Variants in KAZN observed in about 807,000 individuals in gnomAD.
KAZN encodes the protein kazrin, periplakin interacting protein, also known as kazrin.
KAZN carries 40 observed loss-of-function variants against 87.4 expected under a neutral mutation model. The ratio of observed to expected loss-of-function variants is 0.46; its 90% CI spans 0.36 to 0.60. The LOEUF (loss-of-function observed/expected upper bound fraction) is 0.60. Among genes scored for constraint, KAZN ranks in the 20% least tolerant of loss-of-function variants. The probability of loss-of-function intolerance (pLI) is 0.00; values close to 1 mark genes in which losing one functional copy is unlikely to be tolerated. For missense variants in KAZN, 898 were observed against 1,073.9 expected (o/e 0.84, Z 2.29); for synonymous variants, 466 against 458.3 (o/e 1.02, Z -0.22).
At chr1:15,036,864 G>A (rs926269470) in intron 3 of KAZN, among the ~76,000 whole-genome samples, 2 of 152,132 alleles carry the variant, frequency 1.3e-5, no homozygotes, top group African/African-American at 4.8e-5. Context: ...ACATCCACAC[G>A]GACACTGTGG....
At chr1:14,598,600 C>A, upstream of KAZN, 1 of 1,008,130 alleles carries the variant, frequency 9.9e-7, no homozygotes, top group Non-Finnish European at 1.2e-6. This position sits in a 1 kb window ranked among gnomAD's most constrained non-coding sequence, Gnocchi z 4.2. Flanking sequence ...GCCAAGGGTG[C>A]CCCCAGCCTC....
At chr1:14,207,236 T>C (rs887030190) in intron 2 of KAZN, among the ~76,000 whole-genome samples, 27 of 152,300 alleles carry the variant, frequency 1.8e-4, no homozygotes, top group African/African-American at 6.3e-4. Context: ...AGTGCTAGGA[T>C]TACAAGTGTG....
intron 1 of KAZN, among the ~76,000 whole-genome samples, chr1:13,997,823 C>T (rs925584411): frequency 3.3e-5 from 5 of 152,108 alleles, no homozygotes; most frequent in African/African-American, 1.2e-4. Context: ...AGCACTTCCC[C>T]AACCCAGCAA....
chr1:14,274,712 G>A (rs770446242), intron 2 of KAZN, among the ~76,000 whole-genome samples: 2 of 152,168 alleles, frequency 1.3e-5, no homozygotes, highest in Non-Finnish European at 2.9e-5. Context: ...TAGCTGTGAC[G>A]TGGGGAGCAG....
chr1:14,527,451 A>G (rs1243620129), intron 2 of KAZN, among the ~76,000 whole-genome samples: 1 of 150,750 alleles, frequency 6.6e-6, no homozygotes, highest in Non-Finnish European at 1.5e-5. Context: ...TGGGAGTCTG[A>G]GGCAGGAGAA....
intron 1 of KAZN, among the ~76,000 whole-genome samples, chr1:14,693,300 T>G (rs1029512584): frequency 1.3e-4 from 20 of 152,156 alleles, no homozygotes; most frequent in African/African-American, 4.8e-4. Flanking sequence ...AACAGGATGC[T>G]AAGGGAGGGG....
chr1:14,608,001 A>G (rs1262335409), intron 1 of KAZN, among the ~76,000 whole-genome samples: 4 of 152,348 alleles, frequency 2.6e-5, no homozygotes, highest in African/African-American at 9.6e-5. Context: ...AGATGAAGAC[A>G]TTGAAGCTTA....
intron 1 of KAZN, among the ~76,000 whole-genome samples, chr1:14,622,485 T>C (rs1678773473): frequency 6.6e-6 from 1 of 152,022 alleles, no homozygotes; most frequent in Middle Eastern, 3.4e-3. Context: ...GGTCAGGAGA[T>C]CGACACCATC....
chr1:13,978,825 T>G (rs976202286), intron 1 of KAZN, among the ~76,000 whole-genome samples: 14 of 152,024 alleles, frequency 9.2e-5, no homozygotes, highest in Non-Finnish European at 2.1e-4. Flanking sequence ...AAATTTGAGC[T>G]GATGTGGTGG....
At position 14,998,242 on chromosome 1, in the gene KAZN, A is replaced by C. The variant is rs186944315; in HGVS notation, c.419-36507A>C. On this transcript the variant is annotated intron_variant, in intron 2 of 14. Coordinates refer to ENST00000376030, the MANE Select transcript of KAZN (RefSeq NM_201628.3). ...GGTTTTGTGGCTAAAAGATGCTCCA[A>C]AGATTAGCCTGTGTGAAGGTTTGGG... 3.3e-3 allele frequency among the ~76,000 whole-genome samples: 507 copies of C among 152,258 alleles called. 7 individuals are homozygous for C. Among genetic ancestry groups the C allele is most frequent in the African/African-American group, 0.012 (484 of 41,548 alleles).
chr1:14,695,651 G>A (rs1439011217), intron 1 of KAZN, among the ~76,000 whole-genome samples: 2 of 151,648 alleles, frequency 1.3e-5, no homozygotes, highest in African/African-American at 4.8e-5. Context: ...GATTACAGGT[G>A]TGCACCACCA....
chr1:14,224,531 A>G (rs1647196792), intron 2 of KAZN, among the ~76,000 whole-genome samples: 1 of 152,186 alleles, frequency 6.6e-6, no homozygotes, highest in South Asian at 2.1e-4. Context: ...GTTTTGCTTA[A>G]TCTCTTTGGG....
Position 14,903,800 on chromosome 1 carries a change from TG to T in KAZN, c.227-56883del, listed in dbSNP as rs544072049. On this transcript the variant is annotated intron_variant, in intron 1 of 14. Coordinates refer to ENST00000376030, the MANE Select transcript of KAZN (RefSeq NM_201628.3). ...ATTAATCTAACCTTAGTAGGTTACA[TG>T]TATTGAATGCTAACTCTGGCAGATG... is the stretch of plus-strand genomic sequence containing the variant. Among the ~76,000 whole-genome samples the T allele has an allele frequency of 2.6e-5, 4 of 152,358 alleles. No homozygotes were observed. In the South Asian group the frequency reaches 8.3e-4, roughly 32 times the overall value.
intron 2 of KAZN, among the ~76,000 whole-genome samples, chr1:14,301,388 C>T (rs1654542448): frequency 6.6e-6 from 1 of 152,228 alleles, no homozygotes; most frequent in Non-Finnish European, 1.5e-5. Flanking sequence ...ACTCCCCAGT[C>T]CCATCGGCTG....
intron 2 of KAZN, among the ~76,000 whole-genome samples, chr1:15,029,072 G>A (rs992941673): frequency 4.6e-5 from 7 of 152,158 alleles, no homozygotes; most frequent in Non-Finnish European, 1.0e-4. Context: ...ATTTCCCAGT[G>A]GGCATCTGTG....
At chr1:14,557,651 TGTGTGTGTGTGTGTG>T (rs1361508827) in intron 2 of KAZN, among the ~76,000 whole-genome samples, 1 of 144,866 alleles carries the variant, frequency 6.9e-6, no homozygotes, top group Non-Finnish European at 1.5e-5. Context: ...TGTGTGTGTG[TGTGTGTGTGTGTGTG>T]GTGTGTGAGA....
chr1:14,221,237 GA>G (rs1334468742), intron 2 of KAZN, among the ~76,000 whole-genome samples: 1 of 152,082 alleles, frequency 6.6e-6, no homozygotes, highest in Non-Finnish European at 1.5e-5. Context: ...CTCAGTGCTT[GA>G]CCTTCACAAC....
chr1:14,074,690 A>G (rs1372678885), intron 1 of KAZN, among the ~76,000 whole-genome samples: 1 of 152,156 alleles, frequency 6.6e-6, no homozygotes, highest in East Asian at 1.9e-4. Context: ...AACTGGTCTC[A>G]AGTGTATCTA....
At chr1:14,020,522 GC>G (rs1388901053) in intron 1 of KAZN, among the ~76,000 whole-genome samples, 2 of 152,194 alleles carry the variant, frequency 1.3e-5, no homozygotes, top group Non-Finnish European at 2.9e-5. Context: ...CAGCCCTGTA[GC>G]ATAATTCTTG....
Sources: gnomAD v4.1 joint callset for allele counts (sites outside exome capture counted in the v4.1 genomes callset) on GRCh38, gnomAD v4.1.1 for gene constraint, Gnocchi (gnomAD v3.1) non-coding constraint, MANE v1.5 for transcripts, NCBI Gene and HGNC (gene_info 2026-07-23, HGNC 2026-07-21) for gene names.